The following GABRA2 variants were observed in gnomAD, a reference collection of about 807,000 sequenced individuals.
The protein encoded by GABRA2 is gamma-aminobutyric acid type A receptor subunit alpha2.
Under a neutral mutation model 48.7 loss-of-function variants are expected in GABRA2, and 16 were observed. The observed-to-expected ratio is 0.33, with a 90% CI of 0.22 to 0.50. GABRA2 has a LOEUF of 0.50. GABRA2 is among the 20% of genes least tolerant of loss of function. The probability of loss-of-function intolerance (pLI) is 0.98; values close to 1 mark genes in which losing one functional copy is unlikely to be tolerated. For synonymous variants in GABRA2, 185 were observed against 184.5 expected, an observed-to-expected ratio of 1.00 and a Z score of -0.02; for missense variants, 275 against 535.6, an observed-to-expected ratio of 0.51 and a Z score of 4.80.
chr4:46,372,599 T>C (rs531332916), intron 3 of GABRA2, among the ~76,000 whole-genome samples: 58 of 152,238 alleles, frequency 3.8e-4, no homozygotes, highest in Non-Finnish European at 7.1e-4. Flanking sequence ...CCCATTGAAG[T>C]CACTGTAGAT....
At chr4:46,266,285 A>C (rs935928004) in intron 8 of GABRA2, among the ~76,000 whole-genome samples, 1 of 148,056 alleles carries the variant, frequency 6.8e-6, no homozygotes, top group East Asian at 1.9e-4. Flanking sequence ...ATAAGATAGT[A>C]AACAAATTAT....
intron 8 of GABRA2, 74 bp from the exon 9 acceptor site, chr4:46,262,202 C>T: frequency 8.6e-7 from 1 of 1,166,188 alleles, no homozygotes; most frequent in Non-Finnish European, 1.3e-6. Context: ...GCTTTTCTTT[C>T]TCCCTCCAGC....
intron 3 of GABRA2, among the ~76,000 whole-genome samples, chr4:46,373,400 A>G (rs1715233547): frequency 6.6e-6 from 1 of 152,214 alleles, no homozygotes; most frequent in Non-Finnish European, 1.5e-5. Context: ...AATCTGTTAC[A>G]GCAATATTCT....
chr4:46,369,001 T>C, intron 3 of GABRA2: 2 of 701,020 alleles, frequency 2.9e-6, no homozygotes, highest in South Asian at 3.0e-5. Flanking sequence ...GATTCCACTC[T>C]GGAAACTGGG....
intron 8 of GABRA2, among the ~76,000 whole-genome samples, chr4:46,276,489 TAGG>T (rs1209806454): frequency 6.6e-6 from 1 of 151,402 alleles, no homozygotes; most frequent in East Asian, 2.0e-4. Context: ...AACAGTTAAC[TAGG>T]AGAATTCAAA....
intron 3 of GABRA2, among the ~76,000 whole-genome samples, chr4:46,375,927 A>G (rs1346445795): frequency 1.3e-5 from 2 of 152,226 alleles, no homozygotes; most frequent in African/African-American, 2.4e-5. Context: ...AAACTTGGCT[A>G]ACTCCAGTTA....
At chr4:46,335,128 C>T (rs754963665) in intron 3 of GABRA2, among the ~76,000 whole-genome samples, 2 of 151,188 alleles carry the variant, frequency 1.3e-5, no homozygotes, top group Non-Finnish European at 2.9e-5. Flanking sequence ...TTCTATAAGA[C>T]AAGGAAAGGG....
intron 8 of GABRA2, among the ~76,000 whole-genome samples, chr4:46,265,761 T>C (rs1718085949): frequency 6.6e-6 from 1 of 151,776 alleles, no homozygotes. Flanking sequence ...TCAAGGAAGA[T>C]GGTTAAGTTA....
At chr4:46,278,031 T>G (rs963059215) in intron 8 of GABRA2, among the ~76,000 whole-genome samples, 4 of 152,152 alleles carry the variant, frequency 2.6e-5, no homozygotes, top group Non-Finnish European at 4.4e-5. Flanking sequence ...CAGTAGATAG[T>G]CAGATATAAA....
chr4:46,358,614 T>G (rs764746120), intron 3 of GABRA2, among the ~76,000 whole-genome samples: 4 of 152,182 alleles, frequency 2.6e-5, no homozygotes, highest in Non-Finnish European at 5.9e-5. Context: ...ATTGGATGGT[T>G]AGAAATTCAG....
chr4:46,355,363 C>T (rs1425167660), intron 3 of GABRA2, among the ~76,000 whole-genome samples: 1 of 152,114 alleles, frequency 6.6e-6, no homozygotes, highest in Non-Finnish European at 1.5e-5. Context: ...AATACTCCAA[C>T]AGATTGTGTT....
At chr4:46,350,204 G>T (rs1404794269) in intron 3 of GABRA2, among the ~76,000 whole-genome samples, 1 of 151,862 alleles carries the variant, frequency 6.6e-6, no homozygotes, top group African/African-American at 2.4e-5. Flanking sequence ...TAAAATGCTA[G>T]TCACAAACAC....
intron 3 of GABRA2, chr4:46,367,499 TA>T (rs1194725547): frequency 6.6e-6 from 1 of 152,102 alleles, no homozygotes; most frequent in East Asian, 1.9e-4. Flanking sequence ...TATCTCTTTT[TA>T]AATATCTTCA....
At chr4:46,368,512 C>T (rs918670498) in intron 3 of GABRA2, 2 of 154,970 alleles carry the variant, frequency 1.3e-5, no homozygotes, top group African/African-American at 4.8e-5. Context: ...GAATCAAGAA[C>T]ATTTGTTGAA....
At chr4:46,310,936 T>C (rs1047384254) in intron 5 of GABRA2, among the ~76,000 whole-genome samples, 1 of 152,176 alleles carries the variant, frequency 6.6e-6, no homozygotes, top group African/African-American at 2.4e-5. Context: ...TTCCATTTCA[T>C]GTAAAGACAA....
chr4:46,250,753 G>A, intron 9 of GABRA2, 149 bp from the exon 10 acceptor site: 3 of 602,072 alleles, frequency 5.0e-6, no homozygotes, highest in South Asian at 2.6e-5. Flanking sequence ...AAATAAAGGT[G>A]TTTATTAAAT....
chr4:46,301,587 T>G (rs1040857652), intron 8 of GABRA2, among the ~76,000 whole-genome samples: 9 of 152,156 alleles, frequency 5.9e-5, no homozygotes, highest in Admixed American at 5.9e-4. Context: ...CACAATCTAT[T>G]CTTTTGAGCT....
intron 5 of GABRA2, 137 bp downstream of exon 5, chr4:46,312,359 A>C: frequency 2.0e-6 from 1 of 508,298 alleles, no homozygotes; most frequent in East Asian, 3.3e-5. Flanking sequence ...AACATTTGCA[A>C]AGCATATTAT....
At chr4:46,256,291 GGACCA>G (rs1416591683) in intron 9 of GABRA2, 1 of 695,536 alleles carries the variant, frequency 1.4e-6, no homozygotes, top group East Asian at 2.7e-5. Context: ...CTATATACTT[GGACCA>G]TATTAGCTTA....
Sources: gnomAD v4.1 joint callset for allele counts (sites outside exome capture counted in the v4.1 genomes callset) on GRCh38, gnomAD v4.1.1 for gene constraint, MANE v1.5 for transcripts, NCBI Gene and HGNC (gene_info 2026-07-23, HGNC 2026-07-21) for gene names.